Variants in PTPRD observed in about 807,000 individuals in gnomAD.
The protein encoded by PTPRD is protein tyrosine phosphatase receptor type D.
A neutral mutation model predicts 214.5 loss-of-function variants in PTPRD; 34 were observed. The ratio of observed to expected loss-of-function variants is 0.16; its 90% CI spans 0.12 to 0.21. PTPRD has a LOEUF of 0.21. Among genes scored for constraint, PTPRD ranks in the 10% least tolerant of loss-of-function variants. The probability of loss-of-function intolerance (pLI) is 1.00; values close to 1 mark genes in which losing one functional copy is unlikely to be tolerated. For missense variants in PTPRD, 2,545 were observed against 2,398.7 expected (o/e 1.06, Z -1.27); for synonymous variants, 1,128 against 845.7 (o/e 1.33, Z -5.79).
chr9:9,149,995 A>G (rs1405083895), intron 10 of PTPRD, among the ~76,000 whole-genome samples: 1 of 152,186 alleles, frequency 6.6e-6, no homozygotes, highest in Non-Finnish European at 1.5e-5. Flanking sequence ...CATTTTACAA[A>G]CACAAGTGAC....
At chr9:9,003,203 G>A (rs1483218395) in intron 11 of PTPRD, among the ~76,000 whole-genome samples, 2 of 151,962 alleles carry the variant, frequency 1.3e-5, no homozygotes, top group African/African-American at 4.8e-5. Context: ...GGCCTTACTT[G>A]AAAGTAACTG....
chr9:9,484,009 C>A (rs2095524970), intron 8 of PTPRD, among the ~76,000 whole-genome samples: 1 of 151,742 alleles, frequency 6.6e-6, no homozygotes, highest in Admixed American at 6.6e-5. Context: ...ATTTTACTAT[C>A]TTCTATAGGT....
intron 5 of PTPRD, among the ~76,000 whole-genome samples, chr9:9,784,760 T>G (rs949529894): frequency 6.6e-6 from 1 of 150,886 alleles, no homozygotes; most frequent in Non-Finnish European, 1.5e-5. Flanking sequence ...CATTTAAAAT[T>G]TTATGTGTGT....
At chr9:8,846,606 G>A (rs2097701706) in intron 11 of PTPRD, among the ~76,000 whole-genome samples, 1 of 152,146 alleles carries the variant, frequency 6.6e-6, no homozygotes, top group African/African-American at 2.4e-5. Flanking sequence ...GGCAAAAATG[G>A]AAGGGTTGGG....
intron 2 of PTPRD, among the ~76,000 whole-genome samples, chr9:10,488,522 G>A (rs557851279): frequency 1.3e-5 from 2 of 152,296 alleles, no homozygotes; most frequent in East Asian, 1.9e-4. Context: ...TGTCAGGCAG[G>A]CCTGTGTCCT....
At chr9:8,492,829 G>T (rs1411247247) in intron 27 of PTPRD, 33 bp downstream of exon 27, 1 of 1,523,830 alleles carries the variant, frequency 6.6e-7, no homozygotes, top group Non-Finnish European at 9.1e-7. Flanking sequence ...TAGTATTACT[G>T]TTCAAGGCAC....
At chr9:9,328,361 T>C (rs1398272024) in intron 9 of PTPRD, among the ~76,000 whole-genome samples, 1 of 152,056 alleles carries the variant, frequency 6.6e-6, no homozygotes, top group Non-Finnish European at 1.5e-5. Context: ...ACATCTTTTG[T>C]TATTGTTGTT....
intron 7 of PTPRD, among the ~76,000 whole-genome samples, chr9:9,715,332 T>C (rs2097799854): frequency 6.6e-6 from 1 of 152,192 alleles, no homozygotes; most frequent in Admixed American, 6.5e-5. Flanking sequence ...TAATGCTCTG[T>C]AAATGTTTGT....
intron 8 of PTPRD, among the ~76,000 whole-genome samples, chr9:9,494,521 T>G (rs897672681): frequency 1.3e-5 from 2 of 152,170 alleles, no homozygotes; most frequent in Non-Finnish European, 2.9e-5. Context: ...GCAAAATGAT[T>G]AAGATTTGCA....
chr9:9,250,495 T>C (rs751595263), intron 9 of PTPRD, among the ~76,000 whole-genome samples: 73 of 152,216 alleles, frequency 4.8e-4, no homozygotes, highest in Non-Finnish European at 8.7e-4. Flanking sequence ...CTTAGCTCTT[T>C]AGATTTTAAC....
intron 10 of PTPRD, among the ~76,000 whole-genome samples, chr9:9,174,205 C>T (rs1592913480): frequency 6.6e-6 from 1 of 152,108 alleles, no homozygotes; most frequent in Admixed American, 6.6e-5. Context: ...TTCCTATTGT[C>T]TCCATGTAAC....
chr9:8,344,889 A>C (rs1050935118), intron 39 of PTPRD, among the ~76,000 whole-genome samples: 9 of 112,668 alleles, frequency 8.0e-5, no homozygotes, highest in African/African-American at 2.4e-4. Flanking sequence ...TCTTAAGGCT[A>C]AATTAAAAAT....
intron 3 of PTPRD, among the ~76,000 whole-genome samples, chr9:10,134,815 G>A (rs898251725): frequency 1.3e-5 from 2 of 152,106 alleles, no homozygotes; most frequent in African/African-American, 4.8e-5. Context: ...CAAAAAGTCA[G>A]CATCTTCTTA....
intron 2 of PTPRD, among the ~76,000 whole-genome samples, chr9:10,347,520 C>T (rs776288425): frequency 4.0e-5 from 6 of 150,696 alleles, no homozygotes; most frequent in African/African-American, 7.3e-5. Flanking sequence ...AAGCAATTCT[C>T]CTGCCTCAGC....
At chr9:9,618,226 G>T (rs2095022807) in intron 7 of PTPRD, among the ~76,000 whole-genome samples, 1 of 151,212 alleles carries the variant, frequency 6.6e-6, no homozygotes, top group African/African-American at 2.4e-5. Flanking sequence ...ACCATCCTTA[G>T]ATTTTAATAT....
chr9:9,369,632 A>C (rs1407567850), intron 9 of PTPRD, among the ~76,000 whole-genome samples: 2 of 151,972 alleles, frequency 1.3e-5, no homozygotes, highest in Admixed American at 1.3e-4. Context: ...CCATTTGTCA[A>C]TTTTGGCTTT....
At chr9:8,926,323 T>C (rs1262981474) in intron 11 of PTPRD, among the ~76,000 whole-genome samples, 1 of 152,152 alleles carries the variant, frequency 6.6e-6, no homozygotes, top group Non-Finnish European at 1.5e-5. Context: ...TCCATTGCAG[T>C]ATCTTATGCT....
chr9:9,955,709 G>C (rs375390896), intron 4 of PTPRD, among the ~76,000 whole-genome samples: 32 of 152,152 alleles, frequency 2.1e-4, no homozygotes, highest in Non-Finnish European at 4.1e-4. Context: ...ATTTTTAGTA[G>C]AGACAGGGTT....
intron 5 of PTPRD, among the ~76,000 whole-genome samples, chr9:9,817,851 G>A (rs1049575624): frequency 4.6e-5 from 7 of 152,118 alleles, no homozygotes; most frequent in East Asian, 1.9e-4. Flanking sequence ...TGTGTCTCAC[G>A]GAAACCAGAA....
Sources: allele counts gnomAD v4.1 joint callset (sites outside exome capture counted in the v4.1 genomes callset), GRCh38; gene constraint gnomAD v4.1.1; transcripts MANE v1.5; gene names NCBI Gene and HGNC (gene_info 2026-07-23, HGNC 2026-07-21).